The following URB1 variants were observed in gnomAD, a reference collection of about 807,000 sequenced individuals.
The protein encoded by URB1 is URB1 ribosome biogenesis factor, also known as nucleolar pre-ribosomal-associated protein 1.
Under a neutral mutation model 242.3 loss-of-function variants are expected in URB1, and 197 were observed. The ratio of observed to expected loss-of-function variants is 0.81; its 90% CI spans 0.72 to 0.91. The LOEUF (loss-of-function observed/expected upper bound fraction) is 0.91, where lower values mean the gene tolerates loss of function less well. Ranked by LOEUF, URB1 falls within the 40% of genes least tolerant of loss-of-function variation. The pLI, the probability that URB1 is intolerant of heterozygous loss-of-function variation, is 0.00. For missense variants in URB1, 2,721 were observed against 2,860.5 expected, an observed-to-expected ratio of 0.95 and a Z score of 1.11; for synonymous variants, 1,153 against 1,201.8, an observed-to-expected ratio of 0.96 and a Z score of 0.84.
At chr21:32,328,457 A>C (rs1222237690) in intron 30 of URB1, among the ~76,000 whole-genome samples, 2 of 152,174 alleles carry the variant, frequency 1.3e-5, no homozygotes, top group Non-Finnish European at 2.9e-5. Flanking sequence ...TATTTCTCAC[A>C]AGTGACTGTT....
In URB1 at chr21:32,392,804, T is replaced by C. The variant is rs1415334738; in HGVS notation, c.107A>G (p.Lys36Arg). The C allele has an allele frequency of 2.6e-6, 4 of 1,529,260 alleles. No homozygotes were observed. The highest frequency in any genetic ancestry group is 2.0e-4 in the Middle Eastern group (1 of 5,110). 94.7% of individuals were successfully genotyped at this position (1,529,260 alleles called of 1,614,324 possible). A position where few individuals can be genotyped will look rare whatever the true frequency, so the allele number is the denominator to read the frequency against. The change falls in exon 1 of 39, where the codon AAG (lysine) becomes AGG (arginine). Residue 36 changes from lysine (K) to arginine (R), a missense_variant. Coordinates refer to ENST00000382751, the MANE Select transcript of URB1 (RefSeq NM_014825.3). ...GCCCTGCGGGTCCTTCAGCTGAGCC[T>C]TGAACCGCACGCCCGTGAGCTCTTC... is the stretch of plus-strand genomic sequence containing the variant. ...RKEELTGVRF[K>R]AQLKDPQGPG...
In URB1 at chr21:32,324,540, A is replaced by T. The variant is rs572908351; in HGVS notation, c.5184T>A (p.Phe1728Leu). ...CTTTGGCAATGAAGAGAGCCAAGGT[A>T]AAAGTAAGTCTCATGTCCTGAGTTC... ...GIRTQDMRLTFTLALFIAKAA... is the reference protein window; with the variant it reads ...GIRTQDMRLTLTLALFIAKAA... The change falls in exon 32 of 39, where the codon TTT becomes TTA. Residue 1728 changes from phenylalanine to leucine, a missense_variant. Phe to Leu is a conservative substitution (Grantham distance 22). Transcript: ENST00000382751. The T allele has an allele frequency of 6.4e-7, 1 of 1,551,898 alleles. No homozygotes were observed. The highest frequency in any genetic ancestry group is 8.7e-7 in the Non-Finnish European group (1 of 1,147,026).
intron 8 of URB1, among the ~76,000 whole-genome samples, chr21:32,371,377 G>C (rs191354891): frequency 6.6e-6 from 1 of 152,286 alleles, no homozygotes; most frequent in Admixed American, 6.5e-5. Flanking sequence ...CATGGGCCTA[G>C]TTATGGAGGA....
Position 32,333,368 on chromosome 21 carries a change from G to A in URB1, c.4909C>T (p.Leu1637Phe). The A allele has an allele frequency of 6.4e-7, 1 of 1,551,756 alleles. No homozygotes were observed. Among genetic ancestry groups the A allele is most frequent in the Non-Finnish European group, 8.7e-7 (1 of 1,147,000 alleles). The change falls in exon 30 of 39, where the codon CTC becomes TTC. Residue 1637 changes from leucine (L) to phenylalanine (F), a missense_variant. Transcript: ENST00000382751. ...KDKSRVDLDGLYDPCFLLQLF... is the reference protein window; with the variant it reads ...KDKSRVDLDGFYDPCFLLQLF... Reference sequence around the variant, plus strand: ...TGAAGGAGAAAGCAGGGGTCATAGAGGCCATCAAGATCCACCCTGCTTTTG... The same window carrying A: ...TGAAGGAGAAAGCAGGGGTCATAGAAGCCATCAAGATCCACCCTGCTTTTG...
intron 1 of URB1, among the ~76,000 whole-genome samples, chr21:32,387,368 G>A (rs1401059694): frequency 1.3e-5 from 2 of 152,056 alleles, no homozygotes; most frequent in Non-Finnish European, 1.5e-5. Context: ...GCAGTGAGTC[G>A]AGATCGTGCC....
chr21:32,323,620 G>A (rs17616110), intron 32 of URB1, among the ~76,000 whole-genome samples: 5,316 of 152,294 alleles, frequency 0.035, 117 homozygotes, highest in South Asian at 0.078. Context: ...GGCGGTGATG[G>A]TGACGGCAGC....
chr21:32,326,724 T>C (rs1452335135), intron 30 of URB1, among the ~76,000 whole-genome samples: 2 of 152,186 alleles, frequency 1.3e-5, no homozygotes, highest in Non-Finnish European at 2.9e-5. Flanking sequence ...CTGCTTTCCC[T>C]TTGCCTTCTA....
At chr21:32,363,736 AC>A (rs2033314936) in intron 10 of URB1, among the ~76,000 whole-genome samples, 1 of 151,608 alleles carries the variant, frequency 6.6e-6, no homozygotes, top group Non-Finnish European at 1.5e-5. Flanking sequence ...ATCATAGCTC[AC>A]CGCAGCCTCA....
At chr21:32,339,712 C>A (rs895876179) in intron 25 of URB1, among the ~76,000 whole-genome samples, 1 of 151,846 alleles carries the variant, frequency 6.6e-6, no homozygotes, top group Non-Finnish European at 1.5e-5. Context: ...AGGATGGTCT[C>A]GATCTTCTGA....
intron 24 of URB1, among the ~76,000 whole-genome samples, chr21:32,343,730 C>T (rs2033055158): frequency 6.6e-6 from 1 of 152,146 alleles, no homozygotes; most frequent in Non-Finnish European, 1.5e-5. Context: ...CATCAAGCCA[C>T]CCACTGGATG....
chr21:32,368,503 A>C lies in URB1; in HGVS notation c.1097T>G (p.Val366Gly). ...GTATTTGTTCAGTAAGTCCGGGCAC[A>C]CTTTGAGGATGTTTACCACAAGGTC... The part of the protein sequence containing the change: ...VADLVVNILK[V>G]CPDLLNKYFK... The change falls in exon 9 of 39, where the codon GTG becomes GGG. Residue 366 changes from valine (V) to glycine (G), a missense_variant. Physicochemically the swap from Val to Gly is moderately radical, Grantham distance 109. Transcript: ENST00000382751. The C allele has an allele frequency of 1.3e-6, 2 of 1,551,832 alleles. No individual in the cohort carries two copies. The highest frequency in any genetic ancestry group is 1.7e-6 in the Non-Finnish European group (2 of 1,147,030).
intron 8 of URB1, among the ~76,000 whole-genome samples, chr21:32,369,332 C>G (rs963549863): frequency 2.6e-5 from 4 of 152,106 alleles, no homozygotes; most frequent in Non-Finnish European, 4.4e-5. Context: ...CACTGCACTT[C>G]CAGCCTGGGT....
intron 38 of URB1, among the ~76,000 whole-genome samples, chr21:32,315,995 C>T (rs1012562223): frequency 2.0e-5 from 3 of 152,258 alleles, no homozygotes; most frequent in South Asian, 4.1e-4. Flanking sequence ...CTCCTAGTGA[C>T]TGCCAAGTAC....
chr21:32,352,668 C>T, intron 19 of URB1, 42 bp downstream of exon 19: 1 of 1,547,990 alleles, frequency 6.5e-7, no homozygotes, highest in South Asian at 1.2e-5. Context: ...CTGGGAAGAA[C>T]CCTGCACAGC....
chr21:32,334,365 C>T (rs1003761937), intron 28 of URB1, 31 bp from the exon 29 acceptor site: 11 of 1,522,862 alleles, frequency 7.2e-6, no homozygotes, highest in Middle Eastern at 1.7e-4. Flanking sequence ...AGAGACTGGT[C>T]ACAGAGCCCC....
intron 7 of URB1, 125 bp downstream of exon 7, chr21:32,373,522 A>G (rs1437545042): frequency 2.7e-6 from 3 of 1,110,764 alleles, no homozygotes; most frequent in Non-Finnish European, 3.6e-6. Flanking sequence ...ATATAACCAC[A>G]GTCAAAAGAA....
chr21:32,365,133 G>A (rs2033331954), intron 10 of URB1, among the ~76,000 whole-genome samples: 1 of 152,252 alleles, frequency 6.6e-6, no homozygotes, highest in African/African-American at 2.4e-5. Flanking sequence ...GGAAGGGAGA[G>A]CAAATGCAGC....
intron 7 of URB1, among the ~76,000 whole-genome samples, chr21:32,373,026 G>A (rs1181109074): frequency 6.6e-6 from 1 of 152,178 alleles, no homozygotes; most frequent in Non-Finnish European, 1.5e-5. Context: ...AGGCTCTTGA[G>A]AGGTGAATTA....
At chr21:32,386,360 G>A (rs1292828279) in intron 1 of URB1, among the ~76,000 whole-genome samples, 1 of 152,204 alleles carries the variant, frequency 6.6e-6, no homozygotes, top group Non-Finnish European at 1.5e-5. Flanking sequence ...GACACAGCAA[G>A]AGGGCAGTTG....
Sources: gnomAD v4.1 joint callset for allele counts (sites outside exome capture counted in the v4.1 genomes callset) on GRCh38, gnomAD v4.1.1 for gene constraint, MANE v1.5 for transcripts, NCBI Gene and HGNC (gene_info 2026-07-23, HGNC 2026-07-21) for gene names.